Variants in IPO7 observed in about 807,000 individuals in gnomAD.
The protein encoded by IPO7 is importin 7.
IPO7 carries 13 observed loss-of-function variants against 136.4 expected under a neutral mutation model. The ratio of observed to expected loss-of-function variants is 0.10; its 90% CI spans 0.06 to 0.15. The LOEUF (loss-of-function observed/expected upper bound fraction) is 0.15, where lower values mean the gene tolerates loss of function less well. IPO7 is among the 10% of genes least tolerant of loss of function. IPO7 has a pLI of 1.00. For synonymous variants in IPO7, 403 were observed against 404.4 expected (o/e 1.00, Z 0.04); for missense variants, 857 against 1,240.6 (o/e 0.69, Z 4.65).
At chr11:9,430,259 C>A in intron 15 of IPO7, 1 of 155,734 alleles carries the variant, frequency 6.4e-6, no homozygotes, top group Non-Finnish European at 1.4e-5. Flanking sequence ...GCACGTAAAG[C>A]CCTTGACAGA....
In IPO7 at chr11:9,403,272, G is replaced by C; in HGVS notation, c.85-18G>C. ...TATTTATTTGCAGAAGTTTAAAATG[G>C]ACTTTTTTTCTTTGTAGGCACACAA... On this transcript the variant is annotated intron_variant, in intron 1 of 24. Coordinates refer to ENST00000379719, the MANE Select transcript of IPO7 (RefSeq NM_006391.3). 1 of 1,564,630 alleles carries C rather than the reference G, an allele frequency of 6.4e-7. No homozygotes were observed. Among genetic ancestry groups the C allele is most frequent in the Non-Finnish European group, 8.8e-7 (1 of 1,136,052 alleles).
intron 2 of IPO7, among the ~76,000 whole-genome samples, chr11:9,407,237 G>A (rs1039700642): frequency 6.6e-6 from 1 of 152,152 alleles, no homozygotes; most frequent in African/African-American, 2.4e-5. Context: ...CCTGGACTTT[G>A]TTGGTCCTAT....
chr11:9,414,859 C>A (rs541313018), intron 5 of IPO7, among the ~76,000 whole-genome samples: 1 of 151,692 alleles, frequency 6.6e-6, no homozygotes, highest in African/African-American at 2.4e-5. Flanking sequence ...CTCCTGACCT[C>A]GTGATCCACC....
chr11:9,444,290 T>C (rs10681883), intron 24 of IPO7, among the ~76,000 whole-genome samples: 14 of 149,666 alleles, frequency 9.4e-5, no homozygotes, highest in Middle Eastern at 3.5e-3. Flanking sequence ...AAAAAAAAAA[T>C]AAACAAAAGT....
At chr11:9,444,310 G>T (rs1436096382) in intron 24 of IPO7, among the ~76,000 whole-genome samples, 1 of 150,248 alleles carries the variant, frequency 6.7e-6, no homozygotes, top group African/African-American at 2.5e-5. Flanking sequence ...TACATTTTAG[G>T]TTATACACCA....
At chr11:9,404,594 C>T (rs1854852006) in intron 2 of IPO7, among the ~76,000 whole-genome samples, 1 of 129,398 alleles carries the variant, frequency 7.7e-6, no homozygotes, top group South Asian at 2.4e-4. Flanking sequence ...GAGACGGAGT[C>T]TCGCTCTGTT....
intron 23 of IPO7, 58 bp downstream of exon 23, chr11:9,440,719 G>C: frequency 5.2e-6 from 7 of 1,338,444 alleles, no homozygotes; most frequent in Non-Finnish European, 7.5e-6. Flanking sequence ...TGTAGTTTCT[G>C]CCTGCCCTTT....
chr11:9,406,607 A>G (rs1450908233), intron 2 of IPO7, among the ~76,000 whole-genome samples: 2 of 152,210 alleles, frequency 1.3e-5, no homozygotes, highest in African/African-American at 4.8e-5. Flanking sequence ...ACGGTGGCTC[A>G]CACCTGTAAT....
intron 5 of IPO7, among the ~76,000 whole-genome samples, chr11:9,415,929 G>GA (rs1408540645): frequency 1.3e-5 from 2 of 152,154 alleles, no homozygotes; most frequent in Non-Finnish European, 2.9e-5. Context: ...TAAAAACCAG[G>GA]AAAATTCTGG....
At chr11:9,396,033 C>T (rs1013294253) in intron 1 of IPO7, among the ~76,000 whole-genome samples, 1 of 151,868 alleles carries the variant, frequency 6.6e-6, no homozygotes. Flanking sequence ...GAAAGTTATG[C>T]TTTTTTTCAT....
At chr11:9,390,801 G>A (rs929844011) in intron 1 of IPO7, among the ~76,000 whole-genome samples, 2 of 112,774 alleles carry the variant, frequency 1.8e-5, no homozygotes, top group Non-Finnish European at 3.8e-5. Flanking sequence ...CCAGAGCCTC[G>A]CTCTGTCACC....
chr11:9,440,810 C>G, intron 23 of IPO7, 149 bp downstream of exon 23: 1 of 607,008 alleles, frequency 1.6e-6, no homozygotes, highest in Non-Finnish European at 2.9e-6. Context: ...TCTAAGGTTG[C>G]CATAGTTTCT....
Position 9,426,722 on chromosome 11 carries a change from A to T in IPO7, c.1335+1460A>T, listed in dbSNP as rs576436913. On this transcript the variant is annotated intron_variant, in intron 12 of 24. Coordinates refer to ENST00000379719, the MANE Select transcript of IPO7 (RefSeq NM_006391.3). ...ATTTTCTTTAGAGAATATCTATTCA[A>T]ATTCCTTGCCCCAAAAAAATTGCTT... Among the ~76,000 whole-genome samples the T allele has an allele frequency of 7.2e-5, 11 of 152,190 alleles. No homozygotes were observed. The South Asian group carries it at 2.3e-3, about 32-fold the overall frequency.
Position 9,424,906 on chromosome 11 carries a change from T to C in IPO7, c.1142-8T>C. The C allele has an allele frequency of 6.4e-7, 1 of 1,554,676 alleles. No homozygotes were observed. The highest frequency in any genetic ancestry group is 8.8e-7 in the Non-Finnish European group (1 of 1,136,010). ...GTTTATTGTCTTAATTTTAAACTTG[T>C]TCTCTAGATGTGTTTGAAGATTTCA... On this transcript the variant is annotated splice_polypyrimidine_tract_variant and splice_region_variant and intron_variant, in intron 10 of 24. Coordinates refer to ENST00000379719, the MANE Select transcript of IPO7 (RefSeq NM_006391.3).
chr11:9,416,694 C>G (rs1386939339), intron 5 of IPO7, among the ~76,000 whole-genome samples: 1 of 152,096 alleles, frequency 6.6e-6, no homozygotes, highest in African/African-American at 2.4e-5. Flanking sequence ...CTGTAAACAT[C>G]TTTATGGATG....
intron 1 of IPO7, among the ~76,000 whole-genome samples, chr11:9,395,389 GC>G (rs1030891062): frequency 1.3e-5 from 2 of 151,034 alleles, no homozygotes; most frequent in Non-Finnish European, 3.0e-5. Context: ...GATTACAGGC[GC>G]CCCCCACTGT....
At chr11:9,412,666 G>A (rs1232472898) in intron 4 of IPO7, among the ~76,000 whole-genome samples, 1 of 151,798 alleles carries the variant, frequency 6.6e-6, no homozygotes, top group Non-Finnish European at 1.5e-5. Flanking sequence ...ACTCTCTACA[G>A]ACAAAAAAGA....
At position 9,436,266 on chromosome 11, in the gene IPO7, A is replaced by G. The variant is rs1302691090; in HGVS notation, c.2173-5A>G. On this transcript the variant is annotated splice_polypyrimidine_tract_variant and splice_region_variant and intron_variant, in intron 19 of 24. Coordinates refer to ENST00000379719, the MANE Select transcript of IPO7 (RefSeq NM_006391.3). ...TTACTGCAATTTATATTCTGTTTTG[A>G]TCAGGTTCTTACAGGAGTTGCAGGA... 6.2e-7 allele frequency: 1 copy of G among 1,604,600 alleles called. No individual in the cohort carries two copies. The highest frequency in any genetic ancestry group is 8.5e-7 in the Non-Finnish European group (1 of 1,171,594).
At chr11:9,422,705 T>C (rs1278927209) in intron 8 of IPO7, among the ~76,000 whole-genome samples, 1 of 152,054 alleles carries the variant, frequency 6.6e-6, no homozygotes, top group Non-Finnish European at 1.5e-5. Flanking sequence ...CCCAGCACTT[T>C]GGGAGGCTGA....
Sources: gnomAD v4.1 joint callset for allele counts (sites outside exome capture counted in the v4.1 genomes callset) on GRCh38, gnomAD v4.1.1 for gene constraint, MANE v1.5 for transcripts, NCBI Gene and HGNC (gene_info 2026-07-23, HGNC 2026-07-21) for gene names.